TMEM132C: variants seen among roughly 807,000 people sequenced by gnomAD.
The protein encoded by TMEM132C is transmembrane protein 132C, also known as protein phosphatase 1, regulatory subunit 152.
A neutral mutation model predicts 61.4 loss-of-function variants in TMEM132C; 29 were observed. That is an observed-to-expected ratio of 0.47 (90% CI 0.35 to 0.64). The LOEUF is 0.64. Among genes scored for constraint, TMEM132C ranks in the 30% least tolerant of loss-of-function variants. The pLI is 0.00. For missense variants in TMEM132C, 1,408 were observed against 1,476.9 expected (o/e 0.95, Z 0.76); for synonymous variants, 656 against 633.1 (o/e 1.04, Z -0.54).
At chr12:128,532,967 C>G (rs1243087239) in intron 2 of TMEM132C, among the ~76,000 whole-genome samples, 1 of 152,198 alleles carries the variant, frequency 6.6e-6, no homozygotes, top group South Asian at 2.1e-4. Flanking sequence ...TGAAAACCCA[C>G]AGCCCCCTTC....
chr12:128,284,612 G>A (rs1291955590), intron 1 of TMEM132C, among the ~76,000 whole-genome samples: 1 of 152,212 alleles, frequency 6.6e-6, no homozygotes, highest in Non-Finnish European at 1.5e-5. Context: ...TGAAAGGTTA[G>A]CAGAGTGCCT....
intron 1 of TMEM132C, among the ~76,000 whole-genome samples, chr12:128,369,009 T>C (rs531112190): frequency 2.0e-5 from 3 of 152,344 alleles, no homozygotes; most frequent in African/African-American, 7.2e-5. Flanking sequence ...TATGGGGGCA[T>C]TTCAGTGTCC....
chr12:128,462,358 C>A (rs1281572452), intron 2 of TMEM132C, among the ~76,000 whole-genome samples: 1 of 152,114 alleles, frequency 6.6e-6, no homozygotes, highest in Non-Finnish European at 1.5e-5. Context: ...CCGCTGGCCT[C>A]GGCCTCCCAA....
chr12:128,531,925 C>T lies in TMEM132C; in HGVS notation c.975-12032C>T, dbSNP rs945462951. ...TGCTCACAAGGCTCCTGGTGGCAGACGGGGAGATGGAAACCAGCTCGCATT... is the reference window on the plus strand; with the variant it reads ...TGCTCACAAGGCTCCTGGTGGCAGATGGGGAGATGGAAACCAGCTCGCATT... On this transcript the variant is annotated intron_variant, in intron 2 of 8. Transcript: ENST00000435159. Among the ~76,000 whole-genome samples the T allele has an allele frequency of 4.6e-5, 7 of 152,242 alleles. No homozygotes were observed. In the East Asian group the frequency reaches 9.7e-4, roughly 21 times the overall value.
intron 2 of TMEM132C, among the ~76,000 whole-genome samples, chr12:128,465,207 T>A (rs1352268751): frequency 6.6e-6 from 1 of 151,890 alleles, no homozygotes; most frequent in Non-Finnish European, 1.5e-5. Context: ...ATTTCTTTTT[T>A]TTTTTTTTTG....
intron 8 of TMEM132C, among the ~76,000 whole-genome samples, chr12:128,704,674 A>G (rs1055133739): frequency 6.6e-6 from 1 of 152,204 alleles, no homozygotes; most frequent in Non-Finnish European, 1.5e-5. Context: ...CAACAGCTGT[A>G]TCCATTCATC....
At chr12:128,577,004 A>G (rs955214851) in intron 3 of TMEM132C, among the ~76,000 whole-genome samples, 3 of 152,306 alleles carry the variant, frequency 2.0e-5, no homozygotes, top group South Asian at 2.1e-4. Context: ...TACTTCTGCA[A>G]CCATCACCAC....
In TMEM132C at chr12:128,415,301, G is replaced by A; in HGVS notation, c.655G>A (p.Asp219Asn). 1 of 1,595,444 alleles carries A rather than the reference G, an allele frequency of 6.3e-7. No homozygotes were observed. The highest frequency in any genetic ancestry group is 8.5e-7 in the Non-Finnish European group (1 of 1,170,614). Residue 219 changes from aspartate (D) to asparagine (N), a missense_variant, in exon 2 of 9, where the codon GAC (aspartate) becomes AAC (asparagine). Coordinates refer to ENST00000435159, the MANE Select transcript of TMEM132C (RefSeq NM_001136103.3). The surrounding 1 kb of genome is among the most constrained non-coding windows in gnomAD (Gnocchi z 5.8). ...TVGAGRKKSM[D>N]QPEGTPVELY... ...GGGTGCCGGGAGGAAGAAGTCCATG[G>A]ACCAGCCGGAGGGGACCCCTGTGGA...
intron 2 of TMEM132C, among the ~76,000 whole-genome samples, chr12:128,489,406 G>C (rs1871628644): frequency 6.6e-6 from 1 of 151,730 alleles, no homozygotes; most frequent in South Asian, 2.1e-4. Flanking sequence ...CCTCTTAGCT[G>C]CTGTAGCACA....
intron 1 of TMEM132C, among the ~76,000 whole-genome samples, chr12:128,356,779 C>T (rs1873520048): frequency 6.6e-6 from 1 of 152,232 alleles, no homozygotes; most frequent in Non-Finnish European, 1.5e-5. Flanking sequence ...CTCTGGAGAC[C>T]TCACGCCATG....
At chr12:128,534,602 T>C (rs894927161) in intron 2 of TMEM132C, among the ~76,000 whole-genome samples, 2 of 152,192 alleles carry the variant, frequency 1.3e-5, no homozygotes, top group African/African-American at 4.8e-5. Flanking sequence ...CTGGCCAGCT[T>C]CCCTGGGCTT....
chr12:128,339,288 T>A (rs1426008486), intron 1 of TMEM132C, among the ~76,000 whole-genome samples: 1 of 151,710 alleles, frequency 6.6e-6, no homozygotes, highest in Non-Finnish European at 1.5e-5. Context: ...TTTAAGTTCA[T>A]CTGGGAGGGC....
At chr12:128,525,335 TCTCTCTCTTTC>T (rs1873047831) in intron 2 of TMEM132C, among the ~76,000 whole-genome samples, 3 of 147,844 alleles carry the variant, frequency 2.0e-5, no homozygotes, top group Non-Finnish European at 4.5e-5. Context: ...TCTCTCTCTC[TCTCTCTCTTTC>T]TCTCTCTCTC....
intron 2 of TMEM132C, among the ~76,000 whole-genome samples, chr12:128,418,686 C>T (rs1322911041): frequency 6.6e-6 from 1 of 152,246 alleles, no homozygotes; most frequent in African/African-American, 2.4e-5. Context: ...AGGAAACTGG[C>T]ATTGGCATAA....
intron 4 of TMEM132C, among the ~76,000 whole-genome samples, chr12:128,659,790 A>G (rs1954366821): frequency 6.8e-6 from 1 of 147,408 alleles, no homozygotes. Context: ...GAAATGAAAA[A>G]TGTCCATGTC....
rs534251830 is a variant in TMEM132C, at chr12:128,463,611, G to A, written c.974+47991G>A. Reference sequence around the variant, plus strand: ...TGAGATTACAGGTGTGACCCACCTCGCCCAGCCCATGCTTCCGTTTTCTTA... The same window carrying A: ...TGAGATTACAGGTGTGACCCACCTCACCCAGCCCATGCTTCCGTTTTCTTA... On this transcript the variant is annotated intron_variant, in intron 2 of 8. Coordinates refer to ENST00000435159, the MANE Select transcript of TMEM132C (RefSeq NM_001136103.3). Among the ~76,000 whole-genome samples the A allele has an allele frequency of 7.2e-5, 11 of 152,048 alleles. No individual in the cohort carries two copies. The South Asian group carries it at 1.3e-3, about 17-fold the overall frequency.
intron 5 of TMEM132C, among the ~76,000 whole-genome samples, chr12:128,693,489 C>T (rs1162083262): frequency 1.3e-5 from 2 of 152,132 alleles, no homozygotes; most frequent in Admixed American, 6.5e-5. Flanking sequence ...GAAATGGTAG[C>T]TAAAAATATT....
intron 3 of TMEM132C, among the ~76,000 whole-genome samples, chr12:128,580,985 G>A (rs1405105885): frequency 2.0e-5 from 3 of 152,114 alleles, no homozygotes; most frequent in Non-Finnish European, 4.4e-5. Flanking sequence ...AATGAAAAAT[G>A]TCCTGCGGGG....
At chr12:128,364,709 C>T (rs1475080721) in intron 1 of TMEM132C, among the ~76,000 whole-genome samples, 3 of 152,192 alleles carry the variant, frequency 2.0e-5, no homozygotes, top group African/African-American at 7.2e-5. Flanking sequence ...TCTGCGGGAC[C>T]TTCAGTGAGT....
Sources: gnomAD v4.1 joint callset for allele counts (sites outside exome capture counted in the v4.1 genomes callset) on GRCh38, gnomAD v4.1.1 for gene constraint, Gnocchi (gnomAD v3.1) non-coding constraint, MANE v1.5 for transcripts, NCBI Gene and HGNC (gene_info 2026-07-23, HGNC 2026-07-21) for gene names.